RTN1: variants seen among roughly 807,000 people sequenced by gnomAD.
RTN1 encodes the protein reticulon-1.
RTN1 carries 25 observed loss-of-function variants against 65.5 expected under a neutral mutation model. The ratio of observed to expected loss-of-function variants is 0.38; its 90% CI spans 0.28 to 0.53. The LOEUF is 0.53. RTN1 is among the 20% of genes least tolerant of loss of function. The probability of loss-of-function intolerance (pLI) is 0.79; values close to 1 mark genes in which losing one functional copy is unlikely to be tolerated. For missense variants in RTN1, 983 were observed against 1,025.4 expected (o/e 0.96, Z 0.57); for synonymous variants, 471 against 447.6 (o/e 1.05, Z -0.66).
At chr14:59,601,776 C>A (rs970687676) in intron 8 of RTN1, among the ~76,000 whole-genome samples, 1 of 152,142 alleles carries the variant, frequency 6.6e-6, no homozygotes, top group East Asian at 1.9e-4. Context: ...GGTTACCAAT[C>A]CTAGACATTC....
chr14:59,739,650 G>C (rs1244074097), intron 2 of RTN1, among the ~76,000 whole-genome samples: 3 of 152,142 alleles, frequency 2.0e-5, no homozygotes, highest in African/African-American at 7.2e-5. Context: ...AGTTGTGGTG[G>C]CCATAGGATA....
chr14:59,746,540 G>A (rs1885231254), intron 1 of RTN1, 59 bp from the exon 2 acceptor site: 1 of 1,435,352 alleles, frequency 7.0e-7, no homozygotes, highest in Non-Finnish European at 9.4e-7. Context: ...TCTCTCTCTT[G>A]TCTAACCCAC....
intron 3 of RTN1, chr14:59,630,699 C>T: frequency 8.7e-7 from 1 of 1,153,478 alleles, no homozygotes; most frequent in Admixed American, 4.8e-5. Context: ...GGCAGCGAAT[C>T]AGCGCGGCGC....
At chr14:59,704,016 T>C (rs867920912) in intron 3 of RTN1, among the ~76,000 whole-genome samples, 1 of 152,218 alleles carries the variant, frequency 6.6e-6, no homozygotes, top group Non-Finnish European at 1.5e-5. Flanking sequence ...ATGATAATAT[T>C]GCAGGAAATC....
intron 1 of RTN1, among the ~76,000 whole-genome samples, chr14:59,777,687 G>T (rs1368215445): frequency 6.6e-6 from 1 of 152,076 alleles, no homozygotes; most frequent in Non-Finnish European, 1.5e-5. Context: ...CTTGGGGAAA[G>T]TGTGGATGTT....
chr14:59,676,970 T>C (rs1233902018), intron 3 of RTN1, among the ~76,000 whole-genome samples: 1 of 152,138 alleles, frequency 6.6e-6, no homozygotes, highest in African/African-American at 2.4e-5. Context: ...TGGGAACAGA[T>C]TGATCATTGT....
At chr14:59,662,847 T>C (rs902131520) in intron 3 of RTN1, among the ~76,000 whole-genome samples, 1 of 152,164 alleles carries the variant, frequency 6.6e-6, no homozygotes, top group Admixed American at 6.5e-5. Flanking sequence ...CTGCCCAAAG[T>C]AATTTATGGA....
At chr14:59,643,031 ACCTCTGGTTT>A (rs1246271536) in intron 3 of RTN1, among the ~76,000 whole-genome samples, 1 of 152,174 alleles carries the variant, frequency 6.6e-6, no homozygotes, top group Admixed American at 6.5e-5. Context: ...GGCTAGGCCT[ACCTCTGGTTT>A]CAGTGATCTC....
At chr14:59,770,645 T>C (rs1220921464) in intron 1 of RTN1, among the ~76,000 whole-genome samples, 1 of 152,190 alleles carries the variant, frequency 6.6e-6, no homozygotes, top group Non-Finnish European at 1.5e-5. Context: ...CAGAAATTCA[T>C]TGGAATTAAT....
intron 1 of RTN1, among the ~76,000 whole-genome samples, chr14:59,791,575 C>T (rs1028692660): frequency 2.6e-5 from 4 of 152,320 alleles, no homozygotes; most frequent in South Asian, 2.1e-4. Flanking sequence ...TCACCTTCCT[C>T]TAGCCAGCAG....
chr14:59,763,531 CTT>C (rs567181046), intron 1 of RTN1, among the ~76,000 whole-genome samples: 44,854 of 126,112 alleles, frequency 0.36, 5,657 homozygotes, highest in African/African-American at 0.45. Flanking sequence ...AATTTTCTTT[CTT>C]TTTTTTTTTT....
chr14:59,630,703 G>A, intron 3 of RTN1: 1 of 1,150,622 alleles, frequency 8.7e-7, no homozygotes, highest in Non-Finnish European at 1.1e-6. Context: ...GCGAATCAGC[G>A]CGGCGCGGCC....
At chr14:59,823,314 G>A (rs1464085779) in intron 1 of RTN1, among the ~76,000 whole-genome samples, 1 of 151,264 alleles carries the variant, frequency 6.6e-6, no homozygotes, top group South Asian at 2.1e-4. Flanking sequence ...AGACTGTTTT[G>A]TCAGAAATAA....
intron 1 of RTN1, among the ~76,000 whole-genome samples, chr14:59,754,864 C>G (rs1447835395): frequency 6.6e-6 from 1 of 152,098 alleles, no homozygotes; most frequent in African/African-American, 2.4e-5. Context: ...GCTAAGTCCC[C>G]AGAGTCCAAG....
intron 1 of RTN1, among the ~76,000 whole-genome samples, chr14:59,819,411 A>ACCCCCC (rs1566737447): frequency 7.9e-5 from 1 of 12,734 alleles, no homozygotes; most frequent in East Asian, 1.2e-3. Context: ...CCACACCACC[A>ACCCCCC]CCACCCCCCC....
At chr14:59,801,433 A>C (rs1339483345) in intron 1 of RTN1, among the ~76,000 whole-genome samples, 1 of 152,194 alleles carries the variant, frequency 6.6e-6, no homozygotes, top group Non-Finnish European at 1.5e-5. Context: ...AAGCCAGAAG[A>C]CAACAGAATA....
chr14:59,752,527 T>C (rs921532096), intron 1 of RTN1, among the ~76,000 whole-genome samples: 12 of 152,164 alleles, frequency 7.9e-5, no homozygotes, highest in Non-Finnish European at 1.5e-5. Context: ...ATCACAACAC[T>C]GACCAATGCC....
At chr14:59,750,780 T>A (rs187635846) in intron 1 of RTN1, among the ~76,000 whole-genome samples, 122 of 128,580 alleles carry the variant, frequency 9.5e-4, no homozygotes, top group African/African-American at 3.6e-3. Flanking sequence ...TGTGGCATGA[T>A]CTTGGCTCAC....
rs144629418 is a variant in RTN1 at position 59,613,418 on chromosome 14, C to T, written c.1766-5926G>A. Among the ~76,000 whole-genome samples, 486 of 152,236 alleles carry T rather than the reference C, an allele frequency of 3.2e-3. 3 individuals are homozygous for T. The highest frequency in any genetic ancestry group is 0.011 in the African/African-American group (467 of 41,526). ...GGTTCAAGTGATTCTCTTGCCTCAG[C>T]CTCCCAAGTAGCTAGGACTATAGGT... On this transcript the variant is annotated intron_variant, in intron 3 of 8. Transcript: ENST00000267484.
Sources: gnomAD v4.1 joint callset for allele counts (sites outside exome capture counted in the v4.1 genomes callset) on GRCh38, gnomAD v4.1.1 for gene constraint, MANE v1.5 for transcripts, NCBI Gene and HGNC (gene_info 2026-07-23, HGNC 2026-07-21) for gene names.